Variants in MALRD1 observed in about 807,000 individuals in gnomAD.
The protein encoded by MALRD1 is MAM and LDL-receptor class A domain-containing protein 1.
A neutral mutation model predicts 242.1 loss-of-function variants in MALRD1; 247 were observed. The observed-to-expected ratio is 1.02, with a 90% CI of 0.92 to 1.13. MALRD1 has a LOEUF of 1.13. MALRD1 is among the 50% of genes most tolerant of loss of function. The pLI is 0.00. For missense variants in MALRD1, 2,989 were observed against 2,533.1 expected (o/e 1.18, Z -3.86); for synonymous variants, 995 against 866.6 (o/e 1.15, Z -2.60).
intron 34 of MALRD1, among the ~76,000 whole-genome samples, chr10:19,607,302 A>AG (rs1491529543): frequency 2.6e-5 from 4 of 152,170 alleles, no homozygotes; most frequent in Admixed American, 2.6e-4. Context: ...TCTGGAGGCT[A>AG]AAAGTCCAAG....
At chr10:19,108,866 C>T (rs1035828047) in intron 5 of MALRD1, among the ~76,000 whole-genome samples, 2 of 151,864 alleles carry the variant, frequency 1.3e-5, no homozygotes, top group African/African-American at 2.4e-5. Flanking sequence ...TTTCTTTGGT[C>T]GTATCATGTT....
intron 28 of MALRD1, among the ~76,000 whole-genome samples, chr10:19,445,515 G>T (rs571274943): frequency 5.7e-4 from 87 of 152,316 alleles, no homozygotes; most frequent in African/African-American, 1.7e-3. Flanking sequence ...CTTTCTGTTT[G>T]TTAGTTTTCC....
chr10:19,542,568 T>C (rs1835020112), intron 32 of MALRD1, among the ~76,000 whole-genome samples: 1 of 152,056 alleles, frequency 6.6e-6, no homozygotes, highest in South Asian at 2.1e-4. Flanking sequence ...GTAGTTCCAA[T>C]ATCATTGATA....
rs1357711008 is a variant in MALRD1 at position 19,108,542 on chromosome 10, G to A, written c.694+4467G>A. ...CCATTCTCCTGCCTCAGCCTCCCGAGTAGCTGGGACTACAGGTGCCCGCCA... is the reference window on the plus strand; with the variant it reads ...CCATTCTCCTGCCTCAGCCTCCCGAATAGCTGGGACTACAGGTGCCCGCCA... On this transcript the variant is annotated intron_variant, in intron 5 of 39. Coordinates refer to ENST00000454679, the MANE Select transcript of MALRD1 (RefSeq NM_001142308.3). Among the ~76,000 whole-genome samples the A allele has an allele frequency of 2.8e-5, 2 of 70,376 alleles. 1 individual carries two copies. The highest frequency in any genetic ancestry group is 4.9e-5 in the Non-Finnish European group (2 of 40,750). 46.2% of individuals were successfully genotyped at this position (70,376 alleles called of 152,430 possible).
chr10:19,319,423 A>G (rs2132021130), intron 21 of MALRD1, among the ~76,000 whole-genome samples: 1 of 152,254 alleles, frequency 6.6e-6, no homozygotes, highest in Non-Finnish European at 1.5e-5. Context: ...CACTTTTCAT[A>G]AATCAGATGT....
intron 33 of MALRD1, among the ~76,000 whole-genome samples, chr10:19,590,656 C>T (rs11010603): frequency 0.036 from 5,423 of 151,950 alleles, 160 homozygotes; most frequent in Middle Eastern, 0.085. Flanking sequence ...ATCTCACCAC[C>T]GGTATTTTAT....
intron 24 of MALRD1, among the ~76,000 whole-genome samples, chr10:19,335,485 A>G (rs934084247): frequency 2.0e-5 from 3 of 152,124 alleles, no homozygotes; most frequent in East Asian, 3.9e-4. Flanking sequence ...TATGAATTAT[A>G]AGTGGTGTTA....
intron 31 of MALRD1, among the ~76,000 whole-genome samples, chr10:19,507,658 T>C (rs1833203082): frequency 6.6e-6 from 1 of 152,204 alleles, no homozygotes; most frequent in Non-Finnish European, 1.5e-5. Flanking sequence ...CAAATTTCTG[T>C]TTAATATTGG....
At chr10:19,306,102 A>C (rs1842174381) in intron 21 of MALRD1, among the ~76,000 whole-genome samples, 1 of 113,670 alleles carries the variant, frequency 8.8e-6, no homozygotes, top group African/African-American at 3.6e-5. Context: ...TATATACTAG[A>C]TAGTATATAT....
chr10:19,581,104 A>G (rs1285813347), intron 33 of MALRD1, among the ~76,000 whole-genome samples: 1 of 152,330 alleles, frequency 6.6e-6, no homozygotes, highest in African/African-American at 2.4e-5. Context: ...TCTTATGGAG[A>G]CATAAGCACA....
At chr10:19,550,921 A>C (rs1027739499) in intron 32 of MALRD1, among the ~76,000 whole-genome samples, 1 of 152,214 alleles carries the variant, frequency 6.6e-6, no homozygotes, top group African/African-American at 2.4e-5. Flanking sequence ...AGGAATCACC[A>C]CACTGTCTTC....
chr10:19,603,371 T>C (rs1430908470), intron 34 of MALRD1, among the ~76,000 whole-genome samples: 2 of 152,212 alleles, frequency 1.3e-5, no homozygotes, highest in Non-Finnish European at 2.9e-5. Context: ...AATTTTTGTA[T>C]AAGGTGTAAG....
chr10:19,515,531 A>G (rs1833584975), intron 31 of MALRD1, among the ~76,000 whole-genome samples: 1 of 151,650 alleles, frequency 6.6e-6, no homozygotes, highest in African/African-American at 2.4e-5. Flanking sequence ...GATTTCCCGT[A>G]GCCTCAACTT....
intron 9 of MALRD1, among the ~76,000 whole-genome samples, 166 bp from the exon 10 acceptor site, chr10:19,136,408 C>T (rs866198433): frequency 9.3e-5 from 14 of 151,106 alleles, no homozygotes; most frequent in Admixed American, 5.3e-4. Context: ...TTATGTCAGT[C>T]GTATGAGCAT....
chr10:19,714,341 T>C (rs1052804063), intron 38 of MALRD1, among the ~76,000 whole-genome samples: 4 of 152,146 alleles, frequency 2.6e-5, no homozygotes, highest in African/African-American at 9.7e-5. Flanking sequence ...CCAACCACCC[T>C]GGCCAAACTC....
At chr10:19,061,926 C>T (rs1368353119) in intron 1 of MALRD1, among the ~76,000 whole-genome samples, 1 of 152,126 alleles carries the variant, frequency 6.6e-6, no homozygotes, top group African/African-American at 2.4e-5. Context: ...GATACATTGA[C>T]TTCATTGAAA....
At chr10:19,399,557 C>T (rs945448215) in intron 28 of MALRD1, among the ~76,000 whole-genome samples, 8 of 152,010 alleles carry the variant, frequency 5.3e-5, no homozygotes, top group Non-Finnish European at 1.0e-4. Context: ...TTTGGCAGTC[C>T]GTTTTTACCA....
chr10:19,301,086 T>C (rs1420831410), intron 21 of MALRD1, among the ~76,000 whole-genome samples: 1 of 151,938 alleles, frequency 6.6e-6, no homozygotes, highest in East Asian at 1.9e-4. Context: ...GTTACACATA[T>C]AGGAGCCCAA....
At chr10:19,645,785 G>A (rs910419470) in intron 36 of MALRD1, among the ~76,000 whole-genome samples, 3 of 152,074 alleles carry the variant, frequency 2.0e-5, no homozygotes, top group Admixed American at 2.0e-4. Flanking sequence ...GCTAAATGAC[G>A]AGTTAATGGG....
Sources: gnomAD v4.1 joint callset for allele counts (sites outside exome capture counted in the v4.1 genomes callset) on GRCh38, gnomAD v4.1.1 for gene constraint, MANE v1.5 for transcripts, NCBI Gene and HGNC (gene_info 2026-07-23, HGNC 2026-07-21) for gene names.